Variants in OSBPL9 observed in about 807,000 individuals in gnomAD.
The protein encoded by OSBPL9 is oxysterol binding protein like 9.
Under a neutral mutation model 106.6 loss-of-function variants are expected in OSBPL9, and 40 were observed. The ratio of observed to expected loss-of-function variants is 0.38; its 90% confidence interval spans 0.29 to 0.49. The LOEUF (loss-of-function observed/expected upper bound fraction) is 0.49, where lower values mean the gene tolerates loss of function less well. Among genes scored for constraint, OSBPL9 ranks in the 20% least tolerant of loss-of-function variants. OSBPL9 has a pLI of 0.97. For missense variants in OSBPL9, 609 were observed against 887.2 expected (o/e 0.69, Z 3.98); for synonymous variants, 269 against 295.4 (o/e 0.91, Z 0.92).
chr1:51,786,548 C>T lies in OSBPL9; in HGVS notation c.1931C>T (p.Thr644Ile). 6.2e-7 allele frequency: 1 copy of T among 1,610,400 alleles called. No homozygotes were observed. Among genetic ancestry groups the T allele is most frequent in the Non-Finnish European group, 8.5e-7 (1 of 1,176,886 alleles). ...ATGENTVFVD[T>I]KKLPIIKKKV... ...TAGGAAAATACAGTCTTTGTAGATA[C>T]CAAGAAGTTGCCTATAATCAAGAAG... is the stretch of plus-strand genomic sequence containing the variant. The change falls in exon 22 of 24, where the codon ACC (threonine) becomes ATC (isoleucine). Residue 644 changes from threonine (T) to isoleucine (I), a missense_variant. Physicochemically the swap from Thr to Ile is moderately conservative, Grantham distance 89. This residue lies in a region of OSBPL9 where 132 missense variants were observed against 158.1 expected (regional missense o/e 0.83). Coordinates refer to ENST00000428468, the MANE Select transcript of OSBPL9 (RefSeq NM_024586.6).
intron 2 of OSBPL9, among the ~76,000 whole-genome samples, chr1:51,664,289 T>G (rs2148744525): frequency 1.3e-5 from 2 of 152,238 alleles, no homozygotes; most frequent in South Asian, 4.1e-4. Flanking sequence ...GCAATAAAAG[T>G]GAACAAACTA....
At chr1:51,559,440 T>TAC in the OSBPL9 span, among the ~76,000 whole-genome samples, 10,510 of 147,574 alleles carry the variant, frequency 0.071, 391 homozygotes, top group African/African-American at 0.082. Flanking sequence ...CACACATACA[T>TAC]ACACACACAC....
At chr1:51,775,589 C>A (rs1674869249) in intron 14 of OSBPL9, among the ~76,000 whole-genome samples, 1 of 151,778 alleles carries the variant, frequency 6.6e-6, no homozygotes, top group Non-Finnish European at 1.5e-5. Flanking sequence ...TTTGTCTCCA[C>A]CATAGCTTGC....
At chr1:51,525,695 T>C in the OSBPL9 span, among the ~76,000 whole-genome samples, 1 of 152,342 alleles carries the variant, frequency 6.6e-6, no homozygotes, top group East Asian at 1.9e-4. Context: ...GGACCACTGC[T>C]AAAGTTTCTT....
chr1:51,535,166 C>T, the OSBPL9 span, among the ~76,000 whole-genome samples: 1 of 152,196 alleles, frequency 6.6e-6, no homozygotes, highest in African/African-American at 2.4e-5. Context: ...CACCAAATTG[C>T]GTGCAGCATC....
intron 3 of OSBPL9, among the ~76,000 whole-genome samples, chr1:51,712,149 G>A (rs1220345337): frequency 2.6e-5 from 4 of 152,204 alleles, no homozygotes; most frequent in African/African-American, 9.7e-5. Flanking sequence ...ACGAGACTCC[G>A]TCTGCAATCC....
At chr1:51,561,190 T>C in the OSBPL9 span, among the ~76,000 whole-genome samples, 3 of 152,088 alleles carry the variant, frequency 2.0e-5, no homozygotes, top group South Asian at 2.1e-4. Flanking sequence ...TGAGCTGAAA[T>C]TGCATCACTG....
upstream of OSBPL9, among the ~76,000 whole-genome samples, chr1:51,575,980 A>G (rs899979365): frequency 6.6e-6 from 1 of 152,204 alleles, no homozygotes; most frequent in Admixed American, 6.5e-5. Flanking sequence ...CCTTTCCCTT[A>G]CCACATTTCA....
chr1:51,781,469 C>A, intron 16 of OSBPL9, 134 bp downstream of exon 16: 1 of 890,348 alleles, frequency 1.1e-6, no homozygotes, highest in Non-Finnish European at 1.7e-6. Context: ...GTTGTTAGAG[C>A]AGCATAGTTT....
chr1:51,681,304 T>C (rs1223511088), intron 3 of OSBPL9, among the ~76,000 whole-genome samples: 2 of 152,196 alleles, frequency 1.3e-5, no homozygotes, highest in Non-Finnish European at 2.9e-5. Flanking sequence ...GGTATATTCT[T>C]ACCACATACT....
chr1:51,523,396 C>T, the OSBPL9 span, among the ~76,000 whole-genome samples: 4 of 151,924 alleles, frequency 2.6e-5, no homozygotes, highest in South Asian at 2.1e-4. Flanking sequence ...TGTGAGCCAC[C>T]GCACCCAGAC....
At chr1:51,527,238 A>T in the OSBPL9 span, among the ~76,000 whole-genome samples, 2 of 152,140 alleles carry the variant, frequency 1.3e-5, no homozygotes, top group Admixed American at 1.3e-4. Flanking sequence ...TGAGTAAAAG[A>T]ATTAAATAGA....
chr1:51,552,719 G>T, the OSBPL9 span, among the ~76,000 whole-genome samples: 1 of 151,928 alleles, frequency 6.6e-6, no homozygotes, highest in Admixed American at 6.6e-5. Flanking sequence ...CCGCCTCCCA[G>T]GTTCAAGTGA....
intron 3 of OSBPL9, among the ~76,000 whole-genome samples, chr1:51,694,323 G>A (rs1264871708): frequency 1.1e-4 from 17 of 152,178 alleles, no homozygotes; most frequent in Middle Eastern, 3.2e-3. Context: ...TTTAACGTCT[G>A]ACTTAATAGA....
the OSBPL9 span, among the ~76,000 whole-genome samples, chr1:51,535,152 A>T: frequency 6.6e-6 from 1 of 152,226 alleles, no homozygotes; most frequent in Non-Finnish European, 1.5e-5. Context: ...CAAAACAATA[A>T]AACCACCAAA....
At chr1:51,733,341 G>C (rs1015188716) in intron 4 of OSBPL9, among the ~76,000 whole-genome samples, 2 of 152,226 alleles carry the variant, frequency 1.3e-5, no homozygotes, top group Non-Finnish European at 2.9e-5. Flanking sequence ...AATAGCTTAA[G>C]TGTGTAAACC....
chr1:51,663,691 T>C (rs1570906340), intron 2 of OSBPL9, among the ~76,000 whole-genome samples: 2 of 152,284 alleles, frequency 1.3e-5, no homozygotes, highest in South Asian at 2.1e-4. Context: ...AAAGATATCA[T>C]TATGTGAGTG....
At chr1:51,708,650 G>A (rs1383728772) in intron 3 of OSBPL9, among the ~76,000 whole-genome samples, 1 of 151,798 alleles carries the variant, frequency 6.6e-6, no homozygotes, top group African/African-American at 2.4e-5. Flanking sequence ...TGATTTTTTA[G>A]GCTTAAACAT....
At chr1:51,601,195 C>T (rs1645324107) in intron 2 of OSBPL9, among the ~76,000 whole-genome samples, 1 of 152,166 alleles carries the variant, frequency 6.6e-6, no homozygotes, top group African/African-American at 2.4e-5. Flanking sequence ...AAATCCTCTG[C>T]AGATTTAATT....
Sources: allele counts gnomAD v4.1 joint callset (sites outside exome capture counted in the v4.1 genomes callset), GRCh38; gene constraint gnomAD v4.1.1; regional missense constraint gnomAD v4.1.1; transcripts MANE v1.5; gene names NCBI Gene and HGNC (gene_info 2026-07-23, HGNC 2026-07-21).